MACROD2: variants seen among roughly 807,000 people sequenced by gnomAD.
The protein encoded by MACROD2 is ADP-ribose glycohydrolase MACROD2.
Under a neutral mutation model 70.4 loss-of-function variants are expected in MACROD2, and 36 were observed. The ratio of observed to expected loss-of-function variants is 0.51; its 90% CI spans 0.39 to 0.68. MACROD2 has a LOEUF of 0.68. MACROD2 is among the 30% of genes least tolerant of loss of function. The probability of loss-of-function intolerance (pLI) is 0.00; values close to 1 mark genes in which losing one functional copy is unlikely to be tolerated. For missense variants in MACROD2, 496 were observed against 538.4 expected, an observed-to-expected ratio of 0.92 and a Z score of 0.78; for synonymous variants, 172 against 178.8, an observed-to-expected ratio of 0.96 and a Z score of 0.30.
chr20:14,146,676 C>A (rs1398665642), intron 3 of MACROD2, among the ~76,000 whole-genome samples: 1 of 152,150 alleles, frequency 6.6e-6, no homozygotes, highest in South Asian at 2.1e-4. Flanking sequence ...TCAGGGAAAT[C>A]GTGGAGAAGT....
intron 3 of MACROD2, among the ~76,000 whole-genome samples, chr20:14,461,832 G>A (rs754755284): frequency 2.6e-5 from 4 of 151,430 alleles, no homozygotes; most frequent in Admixed American, 6.6e-5. Context: ...AAAGGATATG[G>A]CTGCATAGTA....
At chr20:14,935,358 C>T (rs2074332082) in intron 5 of MACROD2, 1 of 152,112 alleles carries the variant, frequency 6.6e-6, no homozygotes, top group South Asian at 2.1e-4. Flanking sequence ...AGTAGCATCT[C>T]AGAATATGCT....
chr20:14,948,648 A>G (rs774189986), intron 5 of MACROD2, among the ~76,000 whole-genome samples: 84 of 152,264 alleles, frequency 5.5e-4, no homozygotes, highest in Non-Finnish European at 9.4e-4. Context: ...CAAGCTCTAA[A>G]ATAGGCCTCC....
chr20:15,085,872 CAA>C lies in MACROD2; in HGVS notation c.419-144067_419-144066del, dbSNP rs1491580866. The stretch of plus-strand genomic sequence containing the variant: ...TAAAGATGAATAACACACACACACA[CAA>C]CACACACACACACACACACACACAC... On this transcript the variant is annotated intron_variant, in intron 5 of 17. Transcript: ENST00000684519. 2.1e-5 allele frequency among the ~76,000 whole-genome samples: 2 copies of C among 93,186 alleles called. 1 individual carries two copies. The highest frequency in any genetic ancestry group is 4.4e-5 in the Non-Finnish European group (2 of 44,988). 61.1% of individuals were successfully genotyped at this position (93,186 alleles called of 152,430 possible). A position where few individuals can be genotyped will look rare whatever the true frequency, so the allele number is the denominator to read the frequency against.
chr20:15,618,629 G>A (rs1311118939), intron 8 of MACROD2, among the ~76,000 whole-genome samples: 7 of 152,010 alleles, frequency 4.6e-5, no homozygotes, highest in Admixed American at 4.6e-4. Context: ...TTAGCCCAAG[G>A]GGCTCCATGT....
chr20:14,855,597 G>GTTTTTTTT lies in MACROD2; in HGVS notation c.418+170661_418+170668dup, dbSNP rs71190156. On this transcript the variant is annotated intron_variant, in intron 5 of 17. Transcript: ENST00000684519. ...TTCAGAATTTTAGTGATCCTACCAAGTTTTTTTTTTTTTTTTTTTTTTTTT... is the reference window on the plus strand; with the variant it reads ...TTCAGAATTTTAGTGATCCTACCAAGTTTTTTTTTTTTTTTTTTTTTTTTTTTTTTTTT... Among the ~76,000 whole-genome samples the GTTTTTTTT allele has an allele frequency of 1.3e-4, 10 of 77,238 alleles. 1 individual carries two copies. The highest frequency in any genetic ancestry group is 4.0e-4 in the Admixed American group (2 of 5,002). The allele number at this position is 77,238 out of a possible 152,430, so 50.7% of individuals were successfully genotyped here.
intron 8 of MACROD2, among the ~76,000 whole-genome samples, chr20:15,699,948 T>A (rs576521000): frequency 9.9e-5 from 15 of 152,064 alleles, no homozygotes; most frequent in Admixed American, 7.2e-4. Flanking sequence ...TCTTCTACCC[T>A]CCCCCACACC....
chr20:14,969,759 C>T (rs2074673538), intron 5 of MACROD2, among the ~76,000 whole-genome samples: 1 of 152,136 alleles, frequency 6.6e-6, no homozygotes. Flanking sequence ...ATATTAGATT[C>T]AGCTGGATAA....
At chr20:15,845,604 AC>A (rs1484427276) in intron 8 of MACROD2, among the ~76,000 whole-genome samples, 6 of 152,126 alleles carry the variant, frequency 3.9e-5, no homozygotes, top group African/African-American at 7.2e-5. Flanking sequence ...AGATAAGTGT[AC>A]TAAGAATTCA....
intron 6 of MACROD2, among the ~76,000 whole-genome samples, chr20:15,380,278 G>T (rs764966067): frequency 5.9e-5 from 9 of 151,778 alleles, no homozygotes; most frequent in Non-Finnish European, 1.0e-4. Context: ...GTTTTAGTTG[G>T]GAAATATTAT....
intron 5 of MACROD2, among the ~76,000 whole-genome samples, chr20:14,832,530 A>T (rs1331758862): frequency 6.6e-6 from 1 of 152,064 alleles, no homozygotes; most frequent in Non-Finnish European, 1.5e-5. Context: ...AGAAAGAGCC[A>T]CATTTGTTTT....
chr20:15,011,213 T>C (rs1176650094), intron 5 of MACROD2, among the ~76,000 whole-genome samples: 1 of 152,108 alleles, frequency 6.6e-6, no homozygotes, highest in East Asian at 1.9e-4. Context: ...CTGAGACAGT[T>C]TGTCACTTAG....
At chr20:14,444,618 A>AGT (rs1004125353) in intron 3 of MACROD2, among the ~76,000 whole-genome samples, 1 of 151,982 alleles carries the variant, frequency 6.6e-6, no homozygotes, top group African/African-American at 2.4e-5. Flanking sequence ...TTGTATCTTT[A>AGT]GTGTGTGTGT....
At chr20:15,350,230 T>G (rs1161282580) in intron 6 of MACROD2, among the ~76,000 whole-genome samples, 2 of 152,190 alleles carry the variant, frequency 1.3e-5, no homozygotes, top group African/African-American at 4.8e-5. Flanking sequence ...TAGTCTTCAA[T>G]AAGGCTGCAG....
At chr20:14,281,572 TCTTGG>T (rs1033975338) in intron 3 of MACROD2, among the ~76,000 whole-genome samples, 92 of 152,300 alleles carry the variant, frequency 6.0e-4, no homozygotes, top group African/African-American at 2.1e-3. Flanking sequence ...TTAAAGGTCA[TCTTGG>T]CTTCAGATGA....
intron 4 of MACROD2, among the ~76,000 whole-genome samples, chr20:14,563,758 G>C (rs1979596342): frequency 6.6e-6 from 1 of 151,822 alleles, no homozygotes; most frequent in African/African-American, 2.4e-5. Flanking sequence ...ATATAGTGCA[G>C]TATCACTGCC....
chr20:15,872,246 G>A (rs1214934241), intron 9 of MACROD2, among the ~76,000 whole-genome samples: 1 of 152,020 alleles, frequency 6.6e-6, no homozygotes, highest in Non-Finnish European at 1.5e-5. Context: ...CTCCTCTCTG[G>A]TCATCAGTTT....
At chr20:14,301,709 T>C (rs779419260) in intron 3 of MACROD2, among the ~76,000 whole-genome samples, 5 of 152,212 alleles carry the variant, frequency 3.3e-5, no homozygotes, top group African/African-American at 4.8e-5. Context: ...TAGAAAATTA[T>C]TATTGCTGTC....
chr20:14,552,345 G>T (rs1978715535), intron 4 of MACROD2, among the ~76,000 whole-genome samples: 1 of 145,028 alleles, frequency 6.9e-6, no homozygotes, highest in Non-Finnish European at 1.5e-5. Context: ...GGCAGATAAG[G>T]GTCATAGAGA....
Sources: allele counts gnomAD v4.1 joint callset (sites outside exome capture counted in the v4.1 genomes callset), GRCh38; gene constraint gnomAD v4.1.1; transcripts MANE v1.5; gene names NCBI Gene and HGNC (gene_info 2026-07-23, HGNC 2026-07-21).